The following COL27A1 variants were observed in gnomAD, a reference collection of about 807,000 sequenced individuals.
The protein encoded by COL27A1 is collagen type XXVII alpha 1 chain, also known as collagen alpha-1(XXVII) chain.
Under a neutral mutation model 251.3 loss-of-function variants are expected in COL27A1, and 106 were observed. The observed-to-expected ratio is 0.42, with a 90% CI of 0.36 to 0.50. COL27A1 has a LOEUF of 0.50. COL27A1 is among the 20% of genes least tolerant of loss of function. The pLI, the probability that COL27A1 is intolerant of heterozygous loss-of-function variation, is 0.00. For synonymous variants in COL27A1, 1,000 were observed against 986.3 expected, an observed-to-expected ratio of 1.01 and a Z score of -0.26; for missense variants, 2,325 against 2,522.8, an observed-to-expected ratio of 0.92 and a Z score of 1.68.
intron 11 of COL27A1, among the ~76,000 whole-genome samples, chr9:114,210,608 G>T (rs10982104): frequency 0.013 from 1,914 of 152,240 alleles, 44 homozygotes; most frequent in African/African-American, 0.044. Flanking sequence ...CAGCCTGGAG[G>T]TCCATTAGAA....
chr9:114,211,651 C>T (rs1425872960), intron 12 of COL27A1, among the ~76,000 whole-genome samples: 3 of 152,210 alleles, frequency 2.0e-5, no homozygotes, highest in Admixed American at 6.5e-5. Flanking sequence ...GTCACTTGCA[C>T]GATGAGTAAA....
chr9:114,154,586 C>A (rs1277782102), upstream of COL27A1, among the ~76,000 whole-genome samples: 1 of 152,108 alleles, frequency 6.6e-6, no homozygotes, highest in Non-Finnish European at 1.5e-5. The surrounding 1 kb of genome is among the most constrained non-coding windows in gnomAD (Gnocchi z 5.8). Context: ...GCGATATGGC[C>A]AGGATAGCGT....
At chr9:114,218,838 A>T (rs1394627451) in intron 12 of COL27A1, among the ~76,000 whole-genome samples, 1 of 152,118 alleles carries the variant, frequency 6.6e-6, no homozygotes, top group Non-Finnish European at 1.5e-5. Flanking sequence ...TAGTGTACTC[A>T]CTGGACTCCT....
At chr9:114,258,643 A>C (rs764530140) in intron 28 of COL27A1, 49 bp downstream of exon 28, 5 of 1,585,622 alleles carry the variant, frequency 3.2e-6, no homozygotes, top group Non-Finnish European at 3.5e-6. Context: ...GAGGGGGCAC[A>C]CTTGGAACAG....
At chr9:114,249,817 T>C (rs1004546922) in intron 24 of COL27A1, among the ~76,000 whole-genome samples, 7 of 152,154 alleles carry the variant, frequency 4.6e-5, no homozygotes, top group Non-Finnish European at 1.0e-4. Flanking sequence ...CAAATCTGGG[T>C]TCTTCCAAAG....
intron 49 of COL27A1, among the ~76,000 whole-genome samples, chr9:114,293,487 G>A (rs571277962): frequency 7.3e-5 from 11 of 151,464 alleles, no homozygotes; most frequent in African/African-American, 2.2e-4. Flanking sequence ...GGTTGGGGCT[G>A]GAGAAGGCAA....
rs1338656127 is a variant in COL27A1, at chr9:114,301,114, T to G, written c.4744T>G (p.Ser1582Ala). The stretch of plus-strand genomic sequence containing the variant: ...CGGGCCCCTCGGAATCCTGGGACCT[T>G]CGGGACTCCCGGTATGTGTGGGGAT... ...IVGPLGILGPSGLPGPKGDKG... is the reference protein window; with the variant it reads ...IVGPLGILGPAGLPGPKGDKG... The change falls in exon 52 of 61, where the codon TCG becomes GCG. Residue 1582 changes from serine (S) to alanine (A), a missense_variant. Ser to Ala is a moderately conservative substitution (Grantham distance 99). Coordinates refer to ENST00000356083, the MANE Select transcript of COL27A1 (RefSeq NM_032888.4). The G allele has an allele frequency of 6.2e-7, 1 of 1,613,458 alleles. No homozygotes were observed. Among genetic ancestry groups the G allele is most frequent in the African/African-American group, 1.3e-5 (1 of 74,922 alleles).
intron 28 of COL27A1, among the ~76,000 whole-genome samples, chr9:114,261,265 G>C (rs1448484424): frequency 1.3e-5 from 2 of 152,148 alleles, no homozygotes; most frequent in Admixed American, 6.5e-5. Flanking sequence ...GGCCTGGCTG[G>C]AGGGCAGTCT....
At chr9:114,166,483 C>CCA (rs201272255) in intron 2 of COL27A1, among the ~76,000 whole-genome samples, 4 of 152,202 alleles carry the variant, frequency 2.6e-5, no homozygotes, top group South Asian at 2.1e-4. Context: ...ATCCATCCAT[C>CCA]TCCCAGTTGT....
chr9:114,195,849 C>A, intron 6 of COL27A1, 110 bp from the exon 7 acceptor site: 1 of 901,628 alleles, frequency 1.1e-6, no homozygotes. Flanking sequence ...CTCTATGAAT[C>A]TCATTTGGAA....
chr9:114,165,827 TATCCATCC>T lies in COL27A1; in HGVS notation c.134-1830_134-1823del, dbSNP rs146615632. On this transcript the variant is annotated intron_variant, in intron 2 of 60. Transcript: ENST00000356083. ...TCCATCCAGCCAGCCAGGCATTATT[TATCCATCC>T]ATCCATCCATCCATCCATCCATCCA... is the stretch of plus-strand genomic sequence containing the variant. Among the ~76,000 whole-genome samples, 229 of 135,834 alleles carry T rather than the reference TATCCATCC, an allele frequency of 1.7e-3. 1 individual carries two copies. Among genetic ancestry groups the T allele is most frequent in the Middle Eastern group, 9.8e-3 (2 of 204 alleles). 89.1% of individuals were successfully genotyped at this position (135,834 alleles called of 152,430 possible).
intron 4 of COL27A1, among the ~76,000 whole-genome samples, chr9:114,179,832 CTTTTTTTTTTTTTT>C (rs139712391): frequency 1.0e-5 from 1 of 100,190 alleles, no homozygotes; most frequent in East Asian, 2.8e-4. Context: ...AGCCTACCAT[CTTTTTTTTTTTTTT>C]TTTTTTTTTT....
chr9:114,169,913 G>T (rs1361060186), intron 3 of COL27A1, among the ~76,000 whole-genome samples: 1 of 152,256 alleles, frequency 6.6e-6, no homozygotes, highest in Non-Finnish European at 1.5e-5. Context: ...TGCAGACAAA[G>T]GTCACACATG....
chr9:114,155,109 TGGGCGGTG>T (rs771460725), upstream of COL27A1, among the ~76,000 whole-genome samples: 4,872 of 152,032 alleles, frequency 0.032, 105 homozygotes, highest in Middle Eastern at 0.061. The surrounding 1 kb of genome is among the most constrained non-coding windows in gnomAD (Gnocchi z 5.5). Context: ...AAACTTTTGG[TGGGCGGTG>T]GGGATCACGA....
chr9:114,238,595 T>C (rs1292615156), intron 19 of COL27A1, among the ~76,000 whole-genome samples: 2 of 152,250 alleles, frequency 1.3e-5, no homozygotes, highest in Non-Finnish European at 2.9e-5. Flanking sequence ...AAATGTTTCC[T>C]AAAAGCTACA....
intron 4 of COL27A1, among the ~76,000 whole-genome samples, chr9:114,181,996 G>A (rs1490664730): frequency 1.3e-5 from 2 of 152,006 alleles, no homozygotes; most frequent in African/African-American, 4.8e-5. Flanking sequence ...TTGTTCACAA[G>A]AGGTCAAATA....
intron 26 of COL27A1, 109 bp downstream of exon 26, chr9:114,252,755 C>A (rs1833629306): frequency 7.1e-7 from 1 of 1,412,768 alleles, no homozygotes; most frequent in Admixed American, 1.7e-5. Context: ...GACCAGCTCC[C>A]TCTTTGTCCA....
At chr9:114,246,772 T>G (rs1833162052) in intron 24 of COL27A1, among the ~76,000 whole-genome samples, 1 of 151,984 alleles carries the variant, frequency 6.6e-6, no homozygotes, top group Non-Finnish European at 1.5e-5. Flanking sequence ...GGGGGAGGCC[T>G]GGATTTTTGA....
At chr9:114,165,516 A>T (rs1044110197) in intron 2 of COL27A1, among the ~76,000 whole-genome samples, 1 of 149,400 alleles carries the variant, frequency 6.7e-6, no homozygotes, top group Non-Finnish European at 1.5e-5. Flanking sequence ...TCATCCACCC[A>T]CCCATCCATC....
Sources: allele counts gnomAD v4.1 joint callset (sites outside exome capture counted in the v4.1 genomes callset), GRCh38; gene constraint gnomAD v4.1.1; non-coding constraint Gnocchi (gnomAD v3.1); transcripts MANE v1.5; gene names NCBI Gene and HGNC (gene_info 2026-07-23, HGNC 2026-07-21).